RNF146: variants seen among roughly 807,000 people sequenced by gnomAD.
RNF146 encodes the protein ring finger protein 146.
RNF146 carries 11 observed loss-of-function variants against 29.7 expected under a neutral mutation model. That is an observed-to-expected ratio of 0.37 (90% CI 0.23 to 0.61). The LOEUF (loss-of-function observed/expected upper bound fraction) is 0.61. RNF146 is among the 20% of genes least tolerant of loss of function. The pLI is 0.66. For synonymous variants in RNF146, 150 were observed against 159.7 expected, an observed-to-expected ratio of 0.94 and a Z score of 0.46; for missense variants, 342 against 438.9, an observed-to-expected ratio of 0.78 and a Z score of 1.97.
chr6:127,275,548 T>G (rs947392262), intron 1 of RNF146, among the ~76,000 whole-genome samples: 1 of 152,102 alleles, frequency 6.6e-6, no homozygotes, highest in African/African-American at 2.4e-5. Context: ...TTTAAAGATA[T>G]AAAAATCTCC....
chr6:127,271,727 A>G (rs1412385168), intron 1 of RNF146, among the ~76,000 whole-genome samples: 1 of 152,222 alleles, frequency 6.6e-6, no homozygotes, highest in Non-Finnish European at 1.5e-5. Context: ...TACATTAACA[A>G]TTTATATTGA....
At position 127,287,196 on chromosome 6, in the gene RNF146, G is replaced by A; in HGVS notation, c.583G>A (p.Glu195Lys). ...TGCTAATACCGTAAACCTAGCAAGAGAGAGCTCTGCTGACGGAGCGGACAG... is the reference window on the plus strand; with the variant it reads ...TGCTAATACCGTAAACCTAGCAAGAAAGAGCTCTGCTGACGGAGCGGACAG... ...CDANTVNLAR[E>K]SSADGADSVS... Residue 195 changes from glutamate to lysine, a missense_variant, in exon 3 of 3, where the codon GAG (glutamate) becomes AAG (lysine). Transcript: ENST00000368314. 1 of 1,613,406 alleles carries A rather than the reference G, an allele frequency of 6.2e-7. No individual in the cohort carries two copies. The highest frequency in any genetic ancestry group is 1.1e-5 in the South Asian group (1 of 91,074).
chr6:127,286,251 AT>A lies in RNF146; in HGVS notation c.3-360del. 2 of 1,110,382 alleles carry A rather than the reference AT, an allele frequency of 1.8e-6. No homozygotes were observed. The highest frequency in any genetic ancestry group is 4.6e-5 in the South Asian group (1 of 21,962). 68.8% of individuals were successfully genotyped at this position (1,110,382 alleles called of 1,614,324 possible). A position where few individuals can be genotyped will look rare whatever the true frequency, so the allele number is the denominator to read the frequency against. On this transcript the variant is annotated intron_variant, in intron 2 of 2. Coordinates refer to ENST00000368314, the MANE Select transcript of RNF146 (RefSeq NM_001242850.2). This position sits in a 1 kb window ranked among gnomAD's most constrained non-coding sequence, Gnocchi z 4.6. ...ATTAATAAAGGACTCTAAAACTCAG[AT>A]TTTTAGATTTCTTGTCTAGCATTCA...
At chr6:127,268,408 G>A (rs975318078) in intron 1 of RNF146, among the ~76,000 whole-genome samples, 1 of 152,166 alleles carries the variant, frequency 6.6e-6, no homozygotes, top group East Asian at 1.9e-4. Flanking sequence ...TGGCTTTGCT[G>A]TTTTATGATT....
At chr6:127,272,103 C>A (rs1430581397) in intron 1 of RNF146, among the ~76,000 whole-genome samples, 2 of 152,142 alleles carry the variant, frequency 1.3e-5, no homozygotes, top group Non-Finnish European at 2.9e-5. Context: ...TCGCATCTCC[C>A]AATATTGATG....
chr6:127,279,111 C>G (rs969168224), intron 1 of RNF146, among the ~76,000 whole-genome samples: 5 of 151,862 alleles, frequency 3.3e-5, no homozygotes, highest in African/African-American at 1.2e-4. Context: ...TCTTTTGATG[C>G]ACAAAAATTT....
In RNF146 at chr6:127,282,968, T is replaced by C. The variant is rs1376858293; in HGVS notation, c.2+2628T>C. Among the ~76,000 whole-genome samples, 11 of 151,958 alleles carry C rather than the reference T, an allele frequency of 7.2e-5. No homozygotes were observed. In the East Asian group the frequency reaches 2.1e-3, roughly 30 times the overall value. ...GAGTTTTTATTGCAAGCTAAAAATT[T>C]CTTGAATACTACACATACTAAAGAT... On this transcript the variant is annotated intron_variant, in intron 2 of 2. Coordinates refer to ENST00000368314, the MANE Select transcript of RNF146 (RefSeq NM_001242850.2).
At chr6:127,267,593 C>T (rs961133884) in intron 1 of RNF146, among the ~76,000 whole-genome samples, 6 of 152,136 alleles carry the variant, frequency 3.9e-5, no homozygotes, top group Non-Finnish European at 7.4e-5. Flanking sequence ...TCTCGCTCTT[C>T]CTCCTTTTTT....
At chr6:127,267,419 C>G (rs759749391) in intron 1 of RNF146, among the ~76,000 whole-genome samples, 1 of 152,220 alleles carries the variant, frequency 6.6e-6, no homozygotes, top group Non-Finnish European at 1.5e-5. Flanking sequence ...CGGGGACCTT[C>G]TGGCCTCGAG....
At chr6:127,285,962 A>G (rs951416475) in intron 2 of RNF146, 1 of 1,007,172 alleles carries the variant, frequency 9.9e-7, no homozygotes, top group African/African-American at 1.7e-5. Context: ...GTTTATCTGA[A>G]TCAATAAGGC....
Position 127,287,807 on chromosome 6 carries a change from G to C in RNF146, c.*114G>C. The C allele has an allele frequency of 1.3e-5, 9 of 679,348 alleles. No individual in the cohort carries two copies. Among genetic ancestry groups the C allele is most frequent in the Middle Eastern group, 2.5e-4 (1 of 3,930 alleles). The allele number at this position is 679,348 out of a possible 1,614,324, so 42.1% of individuals were successfully genotyped here. On this transcript the variant is annotated 3_prime_UTR_variant, in exon 3 of 3. Coordinates refer to ENST00000368314, the MANE Select transcript of RNF146 (RefSeq NM_001242850.2). ...CATTTTGGGAGTTGGGGTGGGAAGG[G>C]GTATGGGAAGGATAGACTCATAATT...
At position 127,287,280 on chromosome 6, in the gene RNF146, A is replaced by C. The variant is rs748900496; in HGVS notation, c.667A>C (p.Thr223Pro). 7 of 1,613,320 alleles carry C rather than the reference A, an allele frequency of 4.3e-6. No individual in the cohort carries two copies. The African/African-American group carries it at 6.7e-5, about 15-fold the overall frequency. Reference protein sequence around the residue: ...QPLVSSVRPLTSVDGQLTSPA... With the variant: ...QPLVSSVRPLPSVDGQLTSPA... ...CCTAGTGTCTTCTGTAAGGCCCCTA[A>C]CATCAGTAGATGGTCAGTTAACAAG... The change falls in exon 3 of 3, where the codon ACA becomes CCA. Residue 223 changes from threonine to proline, a missense_variant. By Grantham distance (38) the Thr-to-Pro change is conservative (BLOSUM62 -1). Coordinates refer to ENST00000368314, the MANE Select transcript of RNF146 (RefSeq NM_001242850.2).
intron 1 of RNF146, among the ~76,000 whole-genome samples, chr6:127,277,826 T>C (rs1214962823): frequency 6.6e-6 from 1 of 152,086 alleles, no homozygotes; most frequent in Non-Finnish European, 1.5e-5. Context: ...ATCAATACTT[T>C]GTATCCTTCA....
intron 1 of RNF146, among the ~76,000 whole-genome samples, chr6:127,272,680 C>T (rs1048014844): frequency 6.6e-6 from 1 of 152,106 alleles, no homozygotes; most frequent in African/African-American, 2.4e-5. Context: ...AAAGATAATG[C>T]ATAATGAGAG....
intron 2 of RNF146, among the ~76,000 whole-genome samples, chr6:127,280,916 C>T (rs9401947): frequency 0.14 from 21,489 of 151,494 alleles, 2,987 homozygotes; most frequent in East Asian, 0.57. Context: ...TTAACTTCAC[C>T]GTATTGATGA....
intron 1 of RNF146, among the ~76,000 whole-genome samples, chr6:127,275,348 G>T (rs951702610): frequency 6.6e-6 from 1 of 152,090 alleles, no homozygotes; most frequent in Non-Finnish European, 1.5e-5. Context: ...GCAAGGATTA[G>T]AACTTAGATA....
intron 2 of RNF146, among the ~76,000 whole-genome samples, chr6:127,283,962 T>C (rs190801057): frequency 6.6e-6 from 1 of 151,936 alleles, no homozygotes; most frequent in Admixed American, 6.6e-5. Flanking sequence ...CCTGGGATGA[T>C]TGTAATTGCT....
chr6:127,274,521 G>A (rs1777926370), intron 1 of RNF146, among the ~76,000 whole-genome samples: 1 of 152,052 alleles, frequency 6.6e-6, no homozygotes, highest in African/African-American at 2.4e-5. Flanking sequence ...GACATTTTTT[G>A]TGTATTTCTT....
At chr6:127,278,354 G>T (rs537791343) in intron 1 of RNF146, among the ~76,000 whole-genome samples, 1 of 151,976 alleles carries the variant, frequency 6.6e-6, no homozygotes, top group South Asian at 2.1e-4. Flanking sequence ...TACCCATTAG[G>T]CAATAACTCT....
Sources: allele counts gnomAD v4.1 joint callset (sites outside exome capture counted in the v4.1 genomes callset), GRCh38; gene constraint gnomAD v4.1.1; non-coding constraint Gnocchi (gnomAD v3.1); transcripts MANE v1.5; gene names NCBI Gene and HGNC (gene_info 2026-07-23, HGNC 2026-07-21).